The following MBP variants were observed in gnomAD, a reference collection of about 807,000 sequenced individuals.
MBP encodes the protein Golli-MBP.
Under a neutral mutation model 35.8 loss-of-function variants are expected in MBP, and 16 were observed. That is an observed-to-expected ratio of 0.45 (90% CI 0.30 to 0.68). MBP has a LOEUF of 0.68. Ranked by LOEUF, MBP falls within the 30% of genes least tolerant of loss-of-function variation. MBP has a pLI of 0.08. For synonymous variants in MBP, 143 were observed against 159.6 expected (o/e 0.90, Z 0.78); for missense variants, 380 against 404.7 (o/e 0.94, Z 0.52).
At chr18:77,059,650 A>C (rs1178906533) in intron 3 of MBP, among the ~76,000 whole-genome samples, 1 of 152,224 alleles carries the variant, frequency 6.6e-6, no homozygotes, top group East Asian at 1.9e-4. Flanking sequence ...GTAAAAATAC[A>C]CCAAGATGCA....
chr18:77,080,935 A>C (rs1340032127), intron 2 of MBP, among the ~76,000 whole-genome samples: 4 of 152,148 alleles, frequency 2.6e-5, no homozygotes, highest in Non-Finnish European at 1.5e-5. Context: ...CACCCGCCTC[A>C]ACCTCCCAAA....
chr18:77,098,294 T>A (rs1187660728), intron 2 of MBP, among the ~76,000 whole-genome samples: 1 of 151,354 alleles, frequency 6.6e-6, no homozygotes, highest in Non-Finnish European at 1.5e-5. Flanking sequence ...CTTTACATAA[T>A]GTTATCATCG....
intron 2 of MBP, among the ~76,000 whole-genome samples, chr18:77,103,401 C>T (rs1203943222): frequency 6.6e-6 from 1 of 152,218 alleles, no homozygotes; most frequent in Non-Finnish European, 1.5e-5. Flanking sequence ...CATTCTAGTG[C>T]ACCACCATCT....
chr18:77,125,651 G>A (rs1393826673), intron 1 of MBP, among the ~76,000 whole-genome samples: 1 of 152,114 alleles, frequency 6.6e-6, no homozygotes, highest in African/African-American at 2.4e-5. Flanking sequence ...TTTTGTCCAT[G>A]TTGATACACA....
At chr18:76,985,879 C>G in intron 7 of MBP, 5 of 987,700 alleles carry the variant, frequency 5.1e-6, no homozygotes, top group African/African-American at 1.7e-5. Flanking sequence ...GCAGGCCGCC[C>G]TGCCCTGGCC....
chr18:77,070,587 A>G (rs1158102780), intron 2 of MBP, among the ~76,000 whole-genome samples: 3 of 152,218 alleles, frequency 2.0e-5, no homozygotes, highest in African/African-American at 4.8e-5. Flanking sequence ...ACCAGTGATT[A>G]GTCTCATTTT....
At chr18:77,104,688 TAGAG>T (rs570946360) in intron 2 of MBP, among the ~76,000 whole-genome samples, 1 of 152,158 alleles carries the variant, frequency 6.6e-6, no homozygotes, top group Non-Finnish European at 1.5e-5. Context: ...AGCAGCTAGT[TAGAG>T]AGAATGCAGT....
At chr18:77,054,795 G>A (rs1246912745) in intron 3 of MBP, among the ~76,000 whole-genome samples, 1 of 151,846 alleles carries the variant, frequency 6.6e-6, no homozygotes, top group Admixed American at 6.6e-5. Context: ...GGCGGGTGAC[G>A]TCACCATGCA....
chr18:77,093,232 G>C (rs1975613698), intron 2 of MBP: 1 of 152,280 alleles, frequency 6.6e-6, no homozygotes, highest in Admixed American at 6.5e-5. Flanking sequence ...CGGTTGGAGA[G>C]AGGCTCATAC....
At chr18:77,079,509 A>G (rs1956326800) in intron 2 of MBP, among the ~76,000 whole-genome samples, 1 of 152,222 alleles carries the variant, frequency 6.6e-6, no homozygotes, top group African/African-American at 2.4e-5. Context: ...GGGTAATGAG[A>G]TTGCGCATAT....
At chr18:77,068,512 A>C (rs986908052) in intron 2 of MBP, among the ~76,000 whole-genome samples, 1 of 152,102 alleles carries the variant, frequency 6.6e-6, no homozygotes, top group Non-Finnish European at 1.5e-5. Context: ...TTATAAACCA[A>C]CCTCCTCTGC....
chr18:77,119,888 G>T (rs1976835899), intron 1 of MBP, among the ~76,000 whole-genome samples: 1 of 152,190 alleles, frequency 6.6e-6, no homozygotes, highest in Non-Finnish European at 1.5e-5. Flanking sequence ...TGAAGCCTCA[G>T]CTGCAAAGTC....
chr18:77,088,642 GCTT>G (rs1320643624), intron 2 of MBP, among the ~76,000 whole-genome samples: 1 of 136,612 alleles, frequency 7.3e-6, no homozygotes, highest in Non-Finnish European at 1.6e-5. Flanking sequence ...GTTTTTTTGT[GCTT>G]CTTTATTTCT....
At chr18:76,992,461 G>T (rs1306848482) in intron 4 of MBP, among the ~76,000 whole-genome samples, 1 of 152,158 alleles carries the variant, frequency 6.6e-6, no homozygotes, top group Non-Finnish European at 1.5e-5. Flanking sequence ...TACCGGTCCA[G>T]GGCCTGGGGG....
At chr18:77,061,591 C>T (rs8090356) in intron 3 of MBP, among the ~76,000 whole-genome samples, 61,363 of 152,002 alleles carry the variant, frequency 0.4, 14,906 homozygotes, top group African/African-American at 0.69. Flanking sequence ...TCAGGCTGGC[C>T]GGGGTCCCCT....
rs1474300472 is a variant in MBP, at chr18:77,100,538, TG to T, written c.51+4672del. Among the ~76,000 whole-genome samples the T allele has an allele frequency of 5.5e-3, 598 of 109,030 alleles. 5 individuals carry two copies. Among genetic ancestry groups the T allele is most frequent in the African/African-American group, 0.016 (529 of 33,486 alleles). The allele number at this position is 109,030 out of a possible 152,430, so 71.5% of individuals were successfully genotyped here. ...GTGTGTGTGTGTGTGTGTGTGTGTGTGTGTGTGTTTTGTGGTTTTTTCTTTT... is the reference window on the plus strand; with the variant it reads ...GTGTGTGTGTGTGTGTGTGTGTGTGTTGTGTGTTTTGTGGTTTTTTCTTTT... On this transcript the variant is annotated intron_variant, in intron 2 of 8. Coordinates refer to ENST00000355994, the MANE Select transcript of MBP (RefSeq NM_001025101.2).
In MBP at chr18:76,989,030, G is replaced by C; in HGVS notation, c.682-118C>G. On this transcript the variant is annotated intron_variant, in intron 5 of 8. Transcript: ENST00000355994. The surrounding 1 kb of genome is among the most constrained non-coding windows in gnomAD (Gnocchi z 4.0). ...TCCATCAGCTGCCAGAAGCACCCGG[G>C]TGCCCAGCCTCCCCACTTCTGTCCT... 1 of 892,070 alleles carries C rather than the reference G, an allele frequency of 1.1e-6. No individual in the cohort carries two copies. 55.3% of individuals were successfully genotyped at this position (892,070 alleles called of 1,614,324 possible).
rs1356965578 is a variant in MBP at position 77,131,906 on chromosome 18, G to T, written c.-26+674C>A. Among the ~76,000 whole-genome samples the T allele has an allele frequency of 6.6e-6, 1 of 152,082 alleles. No homozygotes were observed. Among genetic ancestry groups the T allele is most frequent in the South Asian group, 2.1e-4 (1 of 4,830 alleles). On this transcript the variant is annotated intron_variant, in intron 1 of 8. Transcript: ENST00000355994. The surrounding 1 kb of genome is among the most constrained non-coding windows in gnomAD (Gnocchi z 5.5). ...GCGCAGCGACGGGCCCGGCCGAAGA[G>T]CCCGAGACAGGCCCTGCGAAGGCGG...
chr18:77,035,868 A>G (rs1972744895), intron 3 of MBP, among the ~76,000 whole-genome samples: 1 of 152,196 alleles, frequency 6.6e-6, no homozygotes, highest in South Asian at 2.1e-4. Flanking sequence ...AACTCAAGGG[A>G]CTTTAAAGCT....
Sources: allele counts gnomAD v4.1 joint callset (sites outside exome capture counted in the v4.1 genomes callset), GRCh38; gene constraint gnomAD v4.1.1; non-coding constraint Gnocchi (gnomAD v3.1); transcripts MANE v1.5; gene names NCBI Gene and HGNC (gene_info 2026-07-23, HGNC 2026-07-21).